The following CAMK2D variants were observed in gnomAD, a reference collection of about 807,000 sequenced individuals.
The protein encoded by CAMK2D is calcium/calmodulin dependent protein kinase II delta.
Under a neutral mutation model 84.0 loss-of-function variants are expected in CAMK2D, and 37 were observed. The observed-to-expected ratio is 0.44, with a 90% CI of 0.34 to 0.58. CAMK2D has a LOEUF of 0.58. Ranked by LOEUF, CAMK2D falls within the 20% of genes least tolerant of loss-of-function variation. The pLI is 0.02. For synonymous variants in CAMK2D, 202 were observed against 212.5 expected, an observed-to-expected ratio of 0.95 and a Z score of 0.43; for missense variants, 448 against 652.5, an observed-to-expected ratio of 0.69 and a Z score of 3.41.
intron 4 of CAMK2D, among the ~76,000 whole-genome samples, chr4:113,585,990 C>T (rs1201089010): frequency 2.6e-5 from 4 of 152,158 alleles, no homozygotes; most frequent in Admixed American, 2.6e-4. Flanking sequence ...TGGCTTGAAT[C>T]CTGGCTGCCT....
At chr4:113,650,737 C>T (rs1036686132) in intron 3 of CAMK2D, among the ~76,000 whole-genome samples, 3 of 152,048 alleles carry the variant, frequency 2.0e-5, no homozygotes, top group Admixed American at 6.6e-5. Flanking sequence ...AAATATCCAA[C>T]ACAAATTCAT....
In CAMK2D at chr4:113,761,138, G is replaced by A. The variant is rs2099640600; in HGVS notation, c.-70C>T. The A allele has an allele frequency of 6.2e-7, 1 of 1,608,748 alleles. No individual in the cohort carries two copies. Among genetic ancestry groups the A allele is most frequent in the Non-Finnish European group, 8.5e-7 (1 of 1,179,440 alleles). On this transcript the variant is annotated 5_prime_UTR_variant, in exon 1 of 21. Transcript: ENST00000511664. ...AGCGAGCAGACGCGCGGCTAACCCC[G>A]GGACTGGCCCCGCGGCGCTGTCACC...
intron 15 of CAMK2D, among the ~76,000 whole-genome samples, chr4:113,501,179 T>G (rs2098037714): frequency 6.6e-6 from 1 of 152,104 alleles, no homozygotes. Context: ...TGGCTGTTAT[T>G]GATAAGAAAC....
rs55859006 is a variant in CAMK2D, at chr4:113,595,637, T to C, written c.275+13515A>G. Reference sequence around the variant, plus strand: ...CAATAAAGCAAATATTACAATAAAATGAGTCACAGCTTTATTTCACAGTGC... The same window carrying C: ...CAATAAAGCAAATATTACAATAAAACGAGTCACAGCTTTATTTCACAGTGC... On this transcript the variant is annotated intron_variant, in intron 4 of 20. Coordinates refer to ENST00000511664, the MANE Select transcript of CAMK2D (RefSeq NM_001321571.2). Among the ~76,000 whole-genome samples the C allele has an allele frequency of 6.8e-3, 1,032 of 152,326 alleles. 4 individuals carry two copies. Among genetic ancestry groups the C allele is most frequent in the African/African-American group, 0.014 (590 of 41,574 alleles).
chr4:113,451,266 C>T lies in CAMK2D; in HGVS notation c.*3279G>A, dbSNP rs2097255875. On this transcript the variant is annotated 3_prime_UTR_variant, in exon 21 of 21. Transcript: ENST00000511664. ...AGCCTTCTGCTGAGACATTTGAGTCCGAGTATATCCTCAGCATTAACAGTA... is the reference window on the plus strand; with the variant it reads ...AGCCTTCTGCTGAGACATTTGAGTCTGAGTATATCCTCAGCATTAACAGTA... 1.3e-5 allele frequency: 2 copies of T among 151,994 alleles called. No homozygotes were observed. The highest frequency in any genetic ancestry group is 2.9e-5 in the Non-Finnish European group (2 of 68,012). The allele number at this position is 151,994 out of a possible 1,614,324, so 9.4% of individuals were successfully genotyped here.
At chr4:113,583,128 T>G (rs1049783785) in intron 4 of CAMK2D, among the ~76,000 whole-genome samples, 3 of 152,206 alleles carry the variant, frequency 2.0e-5, no homozygotes, top group Non-Finnish European at 2.9e-5. Flanking sequence ...TTATCTTGAG[T>G]GTTGCCCTCA....
chr4:113,452,189 A>G lies in CAMK2D; in HGVS notation c.*2356T>C, dbSNP rs2097262319. 1 of 151,790 alleles carries G rather than the reference A, an allele frequency of 6.6e-6. No homozygotes were observed. The highest frequency in any genetic ancestry group is 2.1e-4 in the South Asian group (1 of 4,818). 9.4% of individuals were successfully genotyped at this position (151,790 alleles called of 1,614,324 possible). On this transcript the variant is annotated 3_prime_UTR_variant, in exon 21 of 21. Transcript: ENST00000511664. ...GGCTGGATTGGAGGGTACAGTTTAGAGAAGCTTTTAGGAGTCTTAGTTGTT... is the reference window on the plus strand; with the variant it reads ...GGCTGGATTGGAGGGTACAGTTTAGGGAAGCTTTTAGGAGTCTTAGTTGTT...
At chr4:113,697,927 A>G (rs768807542) in intron 2 of CAMK2D, among the ~76,000 whole-genome samples, 1 of 152,120 alleles carries the variant, frequency 6.6e-6, no homozygotes, top group Non-Finnish European at 1.5e-5. Context: ...ATCACACAGG[A>G]GAAATCATTT....
rs937631317 is a variant in CAMK2D, at chr4:113,761,596, C to G, written c.-528G>C. 6.1e-6 allele frequency: 6 copies of G among 985,022 alleles called. No individual in the cohort carries two copies. Among genetic ancestry groups the G allele is most frequent in the Non-Finnish European group, 7.2e-6 (6 of 829,838 alleles). 61.0% of individuals were successfully genotyped at this position (985,022 alleles called of 1,614,324 possible). On this transcript the variant is annotated 5_prime_UTR_variant, in exon 1 of 21. Transcript: ENST00000511664. The stretch of plus-strand genomic sequence containing the variant: ...GCTGTCAGCAGGCTCAGGCGCGGGG[C>G]GCGCCGGGGCTCCGACGAGCGTGCG...
rs1394365225 is a variant in CAMK2D at position 113,455,798 on chromosome 4, T to C, written c.1559A>G (p.Lys520Arg). ...AGAGGTGCCTCCTGAGAAGTTTTCT[T>C]TCCCATTTGGAATACAGGGTGGCCT... The part of the protein sequence containing the change: ...PIKPPCIPNG[K>R]ENFSGGTSLW... Residue 520 changes from lysine to arginine, a missense_variant, in exon 20 of 21, where the codon AAA (lysine) becomes AGA (arginine). By Grantham distance (26) the Lys-to-Arg change is conservative. This residue lies in a region of CAMK2D where 219 missense variants were observed against 272.1 expected (regional missense o/e 0.80). Transcript: ENST00000511664. 1 of 1,611,938 alleles carries C rather than the reference T, an allele frequency of 6.2e-7. No homozygotes were observed. Among genetic ancestry groups the C allele is most frequent in the Non-Finnish European group, 8.5e-7 (1 of 1,178,362 alleles).
At chr4:113,539,738 A>C (rs2098517521) in intron 6 of CAMK2D, among the ~76,000 whole-genome samples, 1 of 152,222 alleles carries the variant, frequency 6.6e-6, no homozygotes. Flanking sequence ...ATGTAGAAGA[A>C]AAGGCAGGGT....
intron 2 of CAMK2D, among the ~76,000 whole-genome samples, chr4:113,720,126 C>A (rs932289022): frequency 6.6e-6 from 1 of 151,984 alleles, no homozygotes; most frequent in Non-Finnish European, 1.5e-5. Flanking sequence ...ATCAACAGTT[C>A]TCAGATAATA....
chr4:113,746,030 T>C (rs113645675), intron 2 of CAMK2D, among the ~76,000 whole-genome samples: 2,681 of 152,298 alleles, frequency 0.018, 80 homozygotes, highest in African/African-American at 0.061. Flanking sequence ...CTGAAGGTCT[T>C]TGAATGAAAG....
chr4:113,625,437 A>T (rs1369341096), intron 3 of CAMK2D, among the ~76,000 whole-genome samples: 6 of 152,180 alleles, frequency 3.9e-5, no homozygotes. Flanking sequence ...AAGGGAAAGA[A>T]AGGGTATTTG....
intron 16 of CAMK2D, among the ~76,000 whole-genome samples, chr4:113,486,577 C>G (rs988357088): frequency 6.6e-6 from 1 of 152,176 alleles, no homozygotes; most frequent in Non-Finnish European, 1.5e-5. Context: ...TGCATTTTTA[C>G]TTTATGGCCA....
chr4:113,556,562 T>G (rs2098665897), intron 4 of CAMK2D, among the ~76,000 whole-genome samples: 1 of 152,100 alleles, frequency 6.6e-6, no homozygotes, highest in Non-Finnish European at 1.5e-5. Context: ...TGATTCTATA[T>G]TACGAGTGTG....
In CAMK2D at chr4:113,454,503, T is replaced by A; in HGVS notation, c.*42A>T. 1 of 779,152 alleles carries A rather than the reference T, an allele frequency of 1.3e-6. No individual in the cohort carries two copies. The highest frequency in any genetic ancestry group is 2.4e-6 in the Non-Finnish European group (1 of 416,862). 48.3% of individuals were successfully genotyped at this position (779,152 alleles called of 1,614,324 possible). Reference sequence around the variant, plus strand: ...AGAACAGAGAATGCAGAAGTGGCACTGTTGAAATTTAGCTGAAAGGAGAAA... The same window carrying A: ...AGAACAGAGAATGCAGAAGTGGCACAGTTGAAATTTAGCTGAAAGGAGAAA... On this transcript the variant is annotated 3_prime_UTR_variant, in exon 21 of 21. Transcript: ENST00000511664.
intron 2 of CAMK2D, among the ~76,000 whole-genome samples, chr4:113,753,427 G>T (rs539067442): frequency 6.6e-6 from 1 of 151,926 alleles, no homozygotes; most frequent in African/African-American, 2.4e-5. Context: ...TTGTGTCATT[G>T]TGTGTAATTA....
In CAMK2D at chr4:113,693,273, T is replaced by C. The variant is rs192734924; in HGVS notation, c.161-31501A>G. On this transcript the variant is annotated intron_variant, in intron 2 of 20. Transcript: ENST00000511664. ...CAGTTTATGAGCCCCAAAGCTCCCA[T>C]AAAAAATTCCTAGGAGACCAGCCTG... is the stretch of plus-strand genomic sequence containing the variant. Among the ~76,000 whole-genome samples, 14 of 152,196 alleles carry C rather than the reference T, an allele frequency of 9.2e-5. No homozygotes were observed. The East Asian group carries it at 2.5e-3, about 27-fold the overall frequency.
Sources: gnomAD v4.1 joint callset for allele counts (sites outside exome capture counted in the v4.1 genomes callset) on GRCh38, gnomAD v4.1.1 for gene constraint, gnomAD v4.1.1 regional missense constraint, MANE v1.5 for transcripts, NCBI Gene and HGNC (gene_info 2026-07-23, HGNC 2026-07-21) for gene names.